RIGI: variants seen among roughly 807,000 people sequenced by gnomAD.
RIGI encodes antiviral innate immune response receptor RIG-I.
the RIGI span, among the ~76,000 whole-genome samples, chr9:32,504,038 A>AAC: frequency 0.016 from 2,179 of 135,720 alleles, 30 homozygotes; most frequent in Admixed American, 0.024. Flanking sequence ...CAAGACTCCA[A>AAC]ACACACACAC....
At chr9:32,521,791 T>C in the RIGI span, among the ~76,000 whole-genome samples, 1 of 152,136 alleles carries the variant, frequency 6.6e-6, no homozygotes, top group Non-Finnish European at 1.5e-5. Flanking sequence ...TTCTGATATG[T>C]CTTAATATAT....
the RIGI span, among the ~76,000 whole-genome samples, chr9:32,466,073 C>T: frequency 6.6e-6 from 1 of 152,086 alleles, no homozygotes; most frequent in East Asian, 1.9e-4. Flanking sequence ...CTCAATTTGC[C>T]TTTTAGATCT....
chr9:32,455,447 T>A, the RIGI span, among the ~76,000 whole-genome samples: 1 of 152,050 alleles, frequency 6.6e-6, no homozygotes, highest in African/African-American at 2.4e-5. Context: ...AAGGAGGAAT[T>A]GTCAAACACT....
chr9:32,492,631 G>T, the RIGI span: 1 of 1,453,556 alleles, frequency 6.9e-7, no homozygotes, highest in South Asian at 1.2e-5. Flanking sequence ...TGTACTATCT[G>T]ATTTAAAGCC....
the RIGI span, chr9:32,491,263 G>A: frequency 4.2e-5 from 68 of 1,607,484 alleles, no homozygotes; most frequent in African/African-American, 2.0e-4. Context: ...AATACCAGAA[G>A]AGCACCATTA....
At chr9:32,486,403 G>A in the RIGI span, among the ~76,000 whole-genome samples, 2 of 146,328 alleles carry the variant, frequency 1.4e-5, no homozygotes, top group Non-Finnish European at 1.5e-5. Flanking sequence ...GCAGTGAGCC[G>A]AGATCGCACC....
chr9:32,459,575 GCA>G, the RIGI span: 2 of 1,512,962 alleles, frequency 1.3e-6, no homozygotes, highest in South Asian at 2.4e-5. Context: ...CAAGAAACAG[GCA>G]CAGATACGTA....
the RIGI span, among the ~76,000 whole-genome samples, chr9:32,508,992 A>C: frequency 6.6e-6 from 1 of 152,160 alleles, no homozygotes; most frequent in Non-Finnish European, 1.5e-5. Context: ...CAGGAAGTTC[A>C]AACTGGGTAG....
chr9:32,514,662 C>T, the RIGI span, among the ~76,000 whole-genome samples: 3 of 152,062 alleles, frequency 2.0e-5, no homozygotes, highest in African/African-American at 7.2e-5. Flanking sequence ...CACCATGGCA[C>T]GTGTATACCT....
the RIGI span, among the ~76,000 whole-genome samples, chr9:32,494,222 A>C: frequency 6.6e-6 from 1 of 152,192 alleles, no homozygotes; most frequent in Non-Finnish European, 1.5e-5. Flanking sequence ...CTTTCTTCCA[A>C]AGTGACTCAT....
At chr9:32,466,136 C>T in the RIGI span, among the ~76,000 whole-genome samples, 1 of 152,294 alleles carries the variant, frequency 6.6e-6, no homozygotes, top group African/African-American at 2.4e-5. Flanking sequence ...ACCTCATTGA[C>T]ATTTAAAAAC....
At chr9:32,474,865 A>T in the RIGI span, among the ~76,000 whole-genome samples, 5 of 152,218 alleles carry the variant, frequency 3.3e-5, no homozygotes, top group African/African-American at 1.2e-4. Context: ...GCCATATATA[A>T]ATAAAGAGAT....
the RIGI span, among the ~76,000 whole-genome samples, chr9:32,507,112 C>T: frequency 1.3e-5 from 2 of 152,066 alleles, no homozygotes; most frequent in Admixed American, 1.3e-4. Context: ...TAATTTAATA[C>T]CATGCAGTTT....
At chr9:32,488,328 G>T in the RIGI span, 2 of 1,031,090 alleles carry the variant, frequency 1.9e-6, no homozygotes, top group East Asian at 2.4e-5. Context: ...AATAGCTGTA[G>T]GCAAGTCCTT....
At chr9:32,508,490 C>G in the RIGI span, among the ~76,000 whole-genome samples, 1 of 151,824 alleles carries the variant, frequency 6.6e-6, no homozygotes, top group Non-Finnish European at 1.5e-5. Flanking sequence ...CTGGGAAGCA[C>G]AAGGGGTCTG....
chr9:32,496,699 A>C, the RIGI span, among the ~76,000 whole-genome samples: 2 of 152,212 alleles, frequency 1.3e-5, no homozygotes, highest in African/African-American at 4.8e-5. Flanking sequence ...ATATCCCATC[A>C]TATGTACACA....
At chr9:32,459,437 A>T in the RIGI span, 1 of 1,613,394 alleles carries the variant, frequency 6.2e-7, no homozygotes, top group East Asian at 2.2e-5. Flanking sequence ...GCAGTTTTTT[A>T]TTTTCCTTAT....
the RIGI span, among the ~76,000 whole-genome samples, chr9:32,515,515 T>G: frequency 1.3e-5 from 2 of 152,226 alleles, no homozygotes; most frequent in Admixed American, 1.3e-4. Flanking sequence ...TCTCCTTTCT[T>G]GGAACCCACA....
chr9:32,511,519 T>A, the RIGI span, among the ~76,000 whole-genome samples: 83,586 of 151,968 alleles, frequency 0.55, 23,588 homozygotes, highest in Middle Eastern at 0.68. Flanking sequence ...AATAAATAAG[T>A]TCTTTGAAAC....
Sources: allele counts gnomAD v4.1 joint callset (sites outside exome capture counted in the v4.1 genomes callset), GRCh38; gene constraint gnomAD v4.1.1; transcripts MANE v1.5; gene names NCBI Gene and HGNC (gene_info 2026-07-23, HGNC 2026-07-21).